Variants in GRID2 observed in about 807,000 individuals in gnomAD.
The protein encoded by GRID2 is glutamate receptor ionotropic, delta-2.
A neutral mutation model predicts 114.8 loss-of-function variants in GRID2; 33 were observed. The observed-to-expected ratio is 0.29, with a 90% confidence interval of 0.22 to 0.38. GRID2 has a LOEUF of 0.38. Among genes scored for constraint, GRID2 ranks in the 10% least tolerant of loss-of-function variants. GRID2 has a pLI of 1.00. For synonymous variants in GRID2, 505 were observed against 449.9 expected, an observed-to-expected ratio of 1.12 and a Z score of -1.55; for missense variants, 1,184 against 1,257.7, an observed-to-expected ratio of 0.94 and a Z score of 0.89.
intron 1 of GRID2, among the ~76,000 whole-genome samples, chr4:92,454,480 T>A (rs138057212): frequency 3.2e-4 from 49 of 152,326 alleles, no homozygotes; most frequent in African/African-American, 1.1e-3. Flanking sequence ...TATTAACCTC[T>A]GAAAAATGTT....
At chr4:93,304,820 C>G (rs1226280738) in intron 8 of GRID2, among the ~76,000 whole-genome samples, 1 of 152,032 alleles carries the variant, frequency 6.6e-6, no homozygotes, top group Non-Finnish European at 1.5e-5. Flanking sequence ...TACCATTTTA[C>G]TGGAAGGCCA....
chr4:93,231,418 G>T (rs1415464139), intron 7 of GRID2, among the ~76,000 whole-genome samples: 1 of 148,676 alleles, frequency 6.7e-6, no homozygotes, highest in Non-Finnish European at 1.5e-5. Flanking sequence ...AAATTTAGAG[G>T]CCAGTAGTGA....
intron 2 of GRID2, among the ~76,000 whole-genome samples, chr4:92,664,581 T>C (rs927014878): frequency 2.0e-5 from 3 of 151,216 alleles, no homozygotes; most frequent in Non-Finnish European, 4.4e-5. Flanking sequence ...ATTGTGTTTC[T>C]TCTCTTTCCT....
chr4:92,756,719 G>A (rs763535972), intron 2 of GRID2, among the ~76,000 whole-genome samples: 3 of 151,968 alleles, frequency 2.0e-5, no homozygotes, highest in Non-Finnish European at 4.4e-5. Flanking sequence ...TACTGATGTT[G>A]AACATTTTTT....
intron 1 of GRID2, among the ~76,000 whole-genome samples, chr4:92,469,860 T>G (rs1721948123): frequency 6.6e-6 from 1 of 151,944 alleles, no homozygotes. Context: ...GGAAGTTTAG[T>G]AACAGAGAAG....
chr4:93,207,295 C>T, intron 4 of GRID2, 109 bp from the exon 5 acceptor site: 2 of 796,310 alleles, frequency 2.5e-6, no homozygotes, highest in Non-Finnish European at 2.2e-6. Context: ...GTAACAAAGA[C>T]CTTTCTAACA....
intron 4 of GRID2, among the ~76,000 whole-genome samples, chr4:93,206,675 CA>C (rs1742834765): frequency 6.6e-6 from 1 of 151,662 alleles, no homozygotes; most frequent in African/African-American, 2.4e-5. Context: ...AGCCAAGAAT[CA>C]TTTAGAATAA....
chr4:93,761,285 T>A lies in GRID2; in HGVS notation c.2361-7925T>A, dbSNP rs536769063. Among the ~76,000 whole-genome samples, 35 of 152,344 alleles carry A rather than the reference T, an allele frequency of 2.3e-4. No homozygotes were observed. In the South Asian group the frequency reaches 6.6e-3, roughly 29 times the overall value. On this transcript the variant is annotated intron_variant, in intron 14 of 15. Transcript: ENST00000282020. ...GACTCATACTTTCCAATGATTGGAC[T>A]TGCTATATCACTTAAGCCACCTCAA...
chr4:93,585,446 C>T (rs1737435376), intron 13 of GRID2, among the ~76,000 whole-genome samples: 2 of 152,038 alleles, frequency 1.3e-5, no homozygotes, highest in Non-Finnish European at 2.9e-5. Flanking sequence ...TCAATTAGGG[C>T]ATCAACAAGA....
At chr4:93,502,164 C>T (rs1373275963) in intron 12 of GRID2, among the ~76,000 whole-genome samples, 1 of 152,068 alleles carries the variant, frequency 6.6e-6, no homozygotes, top group Non-Finnish European at 1.5e-5. Flanking sequence ...GGCTGTTTGG[C>T]AGAAGAATAC....
At chr4:92,751,171 T>G (rs965050942) in intron 2 of GRID2, among the ~76,000 whole-genome samples, 1 of 152,142 alleles carries the variant, frequency 6.6e-6, no homozygotes, top group African/African-American at 2.4e-5. Context: ...GATAATAAAA[T>G]ATTGTTGACA....
chr4:92,938,679 G>A (rs1052760941), intron 2 of GRID2, among the ~76,000 whole-genome samples: 2 of 145,906 alleles, frequency 1.4e-5, no homozygotes, highest in East Asian at 4.4e-4. Flanking sequence ...TCCTCATTTA[G>A]CCTTAGGTAT....
chr4:93,006,727 T>C (rs1247062506), intron 2 of GRID2, among the ~76,000 whole-genome samples: 1 of 150,798 alleles, frequency 6.6e-6, no homozygotes, highest in East Asian at 2.0e-4. Flanking sequence ...ATAAAGGCAA[T>C]AAAATTTTCT....
chr4:93,238,272 T>G, intron 7 of GRID2, 99 bp from the exon 8 acceptor site: 1 of 791,724 alleles, frequency 1.3e-6, no homozygotes, highest in Non-Finnish European at 1.9e-6. Context: ...TAAATATTAT[T>G]TTATAGATAG....
At chr4:93,786,226 G>A (rs1184099769) in intron 1 of GRID2, among the ~76,000 whole-genome samples, 6 of 152,172 alleles carry the variant, frequency 3.9e-5, no homozygotes, top group Non-Finnish European at 8.8e-5. Context: ...TGTTCAGAAT[G>A]GTGGACTAAA....
rs1735379596 is a variant in GRID2 at position 93,137,595 on chromosome 4, G to A, written c.735+26642G>A. On this transcript the variant is annotated intron_variant, in intron 4 of 15. Coordinates refer to ENST00000282020, the MANE Select transcript of GRID2 (RefSeq NM_001510.4). ...ATAAAAGGTACAAGGATGCACAAAT[G>A]AACCTTGTATGTGGTTTGAGATGGC... Among the ~76,000 whole-genome samples, 3 of 152,224 alleles carry A rather than the reference G, an allele frequency of 2.0e-5. No homozygotes were observed. The South Asian group carries it at 6.2e-4, about 32-fold the overall frequency.
intron 2 of GRID2, among the ~76,000 whole-genome samples, chr4:92,959,110 A>AT (rs201318761): frequency 0.059 from 2,230 of 37,858 alleles, 27 homozygotes; most frequent in East Asian, 0.14. Context: ...GATTTTATTG[A>AT]TTTTTTTTTT....
intron 1 of GRID2, among the ~76,000 whole-genome samples, chr4:92,554,764 C>T (rs1726769236): frequency 6.6e-6 from 1 of 152,152 alleles, no homozygotes; most frequent in Non-Finnish European, 1.5e-5. Context: ...ATATTTTTCT[C>T]AATCTCTGAA....
At chr4:93,436,003 T>C (rs1443605355) in intron 10 of GRID2, among the ~76,000 whole-genome samples, 1 of 79,980 alleles carries the variant, frequency 1.3e-5, no homozygotes, top group African/African-American at 6.1e-5. Context: ...TCCCCATTTC[T>C]TAAAAAAGGT....
Sources: allele counts gnomAD v4.1 joint callset (sites outside exome capture counted in the v4.1 genomes callset), GRCh38; gene constraint gnomAD v4.1.1; transcripts MANE v1.5; gene names NCBI Gene and HGNC (gene_info 2026-07-23, HGNC 2026-07-21).